ERCC6L2: variants seen among roughly 807,000 people sequenced by gnomAD.
ERCC6L2 encodes the protein DNA excision repair protein ERCC-6-like 2.
A neutral mutation model predicts 132.0 loss-of-function variants in ERCC6L2; 77 were observed. That is an observed-to-expected ratio of 0.58 (90% confidence interval 0.49 to 0.71). The LOEUF is 0.71. Among genes scored for constraint, ERCC6L2 ranks in the 30% least tolerant of loss-of-function variants. The probability of loss-of-function intolerance (pLI) is 0.00; values close to 1 mark genes in which losing one functional copy is unlikely to be tolerated. For synonymous variants in ERCC6L2, 583 were observed against 632.4 expected (o/e 0.92, Z 1.17); for missense variants, 1,542 against 1,837.6 (o/e 0.84, Z 2.94).
At chr9:95,994,025 T>C (rs1833390030) in intron 17 of ERCC6L2, among the ~76,000 whole-genome samples, 1 of 152,254 alleles carries the variant, frequency 6.6e-6, no homozygotes, top group East Asian at 1.9e-4. Context: ...TAGGTTCTTG[T>C]TGAGTATTGG....
At chr9:95,957,999 G>T (rs1170714146) in intron 13 of ERCC6L2, among the ~76,000 whole-genome samples, 2 of 150,406 alleles carry the variant, frequency 1.3e-5, no homozygotes, top group African/African-American at 2.4e-5. Flanking sequence ...TTAACATTAG[G>T]TATATCTCCT....
intron 17 of ERCC6L2, among the ~76,000 whole-genome samples, chr9:96,000,810 T>C (rs182243552): frequency 2.6e-3 from 393 of 152,310 alleles, no homozygotes; most frequent in African/African-American, 8.8e-3. Context: ...TAGCTCGGCC[T>C]GTGGGCTCGT....
At chr9:95,983,064 G>A (rs1298288788) in intron 17 of ERCC6L2, among the ~76,000 whole-genome samples, 3 of 152,128 alleles carry the variant, frequency 2.0e-5, no homozygotes, top group African/African-American at 7.2e-5. Context: ...TTTTATTATT[G>A]TAATTATGAT....
intron 12 of ERCC6L2, among the ~76,000 whole-genome samples, chr9:95,945,156 C>G (rs537107264): frequency 6.6e-6 from 1 of 152,288 alleles, no homozygotes; most frequent in Admixed American, 6.5e-5. Flanking sequence ...AAGACGGCCG[C>G]ACCTGAAGCG....
At chr9:95,880,377 T>C (rs1289320032) in intron 1 of ERCC6L2, among the ~76,000 whole-genome samples, 2 of 152,220 alleles carry the variant, frequency 1.3e-5, no homozygotes, top group East Asian at 3.8e-4. Flanking sequence ...TTTAGTTTAC[T>C]CATTACCAAG....
intron 11 of ERCC6L2, among the ~76,000 whole-genome samples, chr9:95,935,183 G>C (rs941706797): frequency 2.0e-5 from 3 of 152,092 alleles, no homozygotes; most frequent in Non-Finnish European, 4.4e-5. Context: ...GAAATAGATA[G>C]ATCAAAAAAT....
At chr9:95,942,436 AC>A (rs780272450) in intron 12 of ERCC6L2, among the ~76,000 whole-genome samples, 6 of 152,166 alleles carry the variant, frequency 3.9e-5, no homozygotes, top group East Asian at 1.9e-4. Context: ...ACATAAAAAA[AC>A]AAATTAGTTC....
rs566815736 is a variant in ERCC6L2 at position 95,933,756 on chromosome 9, A to G, written c.1751+4892A>G. ...CTACTCAGGAGGCTGAGACGGGAGA[A>G]TTGTTTGAACCCAGGAGGTGGAGGC... On this transcript the variant is annotated intron_variant, in intron 11 of 18. Transcript: ENST00000653738. Among the ~76,000 whole-genome samples, 4 of 151,464 alleles carry G rather than the reference A, an allele frequency of 2.6e-5. No individual in the cohort carries two copies. In the South Asian group the frequency reaches 8.4e-4, roughly 32 times the overall value.
At chr9:95,895,319 T>C (rs1828393379) in intron 2 of ERCC6L2, among the ~76,000 whole-genome samples, 1 of 152,170 alleles carries the variant, frequency 6.6e-6, no homozygotes, top group Admixed American at 6.5e-5. Flanking sequence ...TTTATCCCTT[T>C]TTTAAGAAGT....
chr9:96,018,946 T>C (rs765201829), downstream of ERCC6L2, among the ~76,000 whole-genome samples: 3 of 152,224 alleles, frequency 2.0e-5, no homozygotes, highest in Admixed American at 6.5e-5. Context: ...TCTACAGATA[T>C]CTTTTTCGTT....
Position 95,921,276 on chromosome 9 carries a change from C to T in ERCC6L2, c.1260C>T (p.Thr420=). 2 of 1,613,212 alleles carry T rather than the reference C, an allele frequency of 1.2e-6. No homozygotes were observed. Among genetic ancestry groups the T allele is most frequent in the Non-Finnish European group, 8.5e-7 (1 of 1,179,614 alleles). ...TLILQSSEPC[T]CRSGQKRRNC... ...TACTTCAATCTTCTGAGCCTTGTAC[C>T]TGTAGGAGTGGCCAAAAAAGGAGAA... The change falls in exon 7 of 19, where the codon ACC becomes ACT. Residue 420 remains threonine, a synonymous_variant. Coordinates refer to ENST00000653738, the MANE Select transcript of ERCC6L2 (RefSeq NM_020207.7).
intron 19 of ERCC6L2, chr9:96,025,904 TAGAG>T (rs966679529): frequency 6.6e-6 from 1 of 152,152 alleles, no homozygotes; most frequent in African/African-American, 2.4e-5. Flanking sequence ...CCCCCTCAGA[TAGAG>T]AGAATCTCCT....
chr9:95,893,086 A>G (rs1005861688), intron 2 of ERCC6L2, among the ~76,000 whole-genome samples: 4 of 152,228 alleles, frequency 2.6e-5, no homozygotes, highest in African/African-American at 9.6e-5. Context: ...GGTTGCTCTA[A>G]TGATAAAATA....
At chr9:95,963,722 G>C (rs1434365238) in intron 13 of ERCC6L2, among the ~76,000 whole-genome samples, 2 of 152,030 alleles carry the variant, frequency 1.3e-5, no homozygotes, top group East Asian at 3.9e-4. Flanking sequence ...ATATTATCCA[G>C]GCTTTGTCTT....
intron 1 of ERCC6L2, among the ~76,000 whole-genome samples, chr9:95,880,541 A>G (rs1349406517): frequency 1.3e-5 from 2 of 152,092 alleles, no homozygotes; most frequent in Non-Finnish European, 2.9e-5. Context: ...AAACAATAAA[A>G]CCAGATGCCC....
chr9:96,001,221 C>T (rs1429033206), intron 17 of ERCC6L2, among the ~76,000 whole-genome samples: 2 of 152,098 alleles, frequency 1.3e-5, no homozygotes, highest in Non-Finnish European at 1.5e-5. Flanking sequence ...TTGCAAAGAG[C>T]GAAAGAACAA....
intron 3 of ERCC6L2, among the ~76,000 whole-genome samples, chr9:95,899,547 C>T (rs1187397121): frequency 6.6e-6 from 1 of 151,370 alleles, no homozygotes; most frequent in Admixed American, 6.6e-5. Context: ...CAGTTGACTC[C>T]AGTTCCTCTC....
At chr9:95,991,773 A>G (rs976203658) in intron 17 of ERCC6L2, among the ~76,000 whole-genome samples, 3 of 152,206 alleles carry the variant, frequency 2.0e-5, no homozygotes, top group South Asian at 2.1e-4. Context: ...GATCTGTATA[A>G]CTCTATTAAT....
chr9:95,994,024 G>A (rs1416199884), intron 17 of ERCC6L2, among the ~76,000 whole-genome samples: 1 of 152,228 alleles, frequency 6.6e-6, no homozygotes, highest in Non-Finnish European at 1.5e-5. Context: ...TTAGGTTCTT[G>A]TTGAGTATTG....
Sources: allele counts gnomAD v4.1 joint callset (sites outside exome capture counted in the v4.1 genomes callset), GRCh38; gene constraint gnomAD v4.1.1; transcripts MANE v1.5; gene names NCBI Gene and HGNC (gene_info 2026-07-23, HGNC 2026-07-21).